The following GK variants were observed in gnomAD, a reference collection of about 807,000 sequenced individuals.
GK encodes glycerol kinase.
A neutral mutation model predicts 56.4 loss-of-function variants in GK; 9 were observed. The ratio of observed to expected loss-of-function variants is 0.16; its 90% CI spans 0.10 to 0.28. The LOEUF (loss-of-function observed/expected upper bound fraction) is 0.28, where lower values mean the gene tolerates loss of function less well. Ranked by LOEUF, GK falls within the 10% of genes least tolerant of loss-of-function variation. The pLI, the probability that GK is intolerant of heterozygous loss-of-function variation, is 1.00. For missense variants in GK, 161 were observed against 431.4 expected (o/e 0.37, Z 5.55); for synonymous variants, 104 against 144.1 (o/e 0.72, Z 1.99).
chrX:30,691,714 C>T (rs1164327725), intron 5 of GK, among the ~76,000 whole-genome samples: 2 of 109,903 alleles, frequency 1.8e-5, no homozygotes, highest in Non-Finnish European at 3.8e-5. Context: ...CCTCATGATC[C>T]GCCCACTTCG....
At chrX:30,698,599 G>T (rs6631151) in intron 9 of GK, among the ~76,000 whole-genome samples, 30,497 of 108,061 alleles carry the variant, frequency 0.28, 3,677 homozygotes, top group Middle Eastern at 0.46. Context: ...AGCTACTTGG[G>T]AGGCCGAGGC....
At chrX:30,728,438 A>AG (rs1937234032) in intron 20 of GK, among the ~76,000 whole-genome samples, 1 of 112,057 alleles carries the variant, frequency 8.9e-6, no homozygotes, top group Admixed American at 9.5e-5. Flanking sequence ...CTATGTGTCT[A>AG]GAGTCTTAGA....
intron 11 of GK, among the ~76,000 whole-genome samples, chrX:30,705,910 C>T (rs189295314): frequency 2.5e-4 from 28 of 112,020 alleles, no homozygotes; most frequent in Non-Finnish European, 4.5e-4. Flanking sequence ...AAGACGCGTA[C>T]GCTACTGTTC....
At chrX:30,685,581 A>G (rs1457740502) in intron 4 of GK, among the ~76,000 whole-genome samples, 1 of 112,488 alleles carries the variant, frequency 8.9e-6, no homozygotes, top group Admixed American at 9.4e-5. Context: ...CATCTCCCTC[A>G]ATCCTGGGTA....
intron 4 of GK, among the ~76,000 whole-genome samples, chrX:30,686,262 A>G (rs1399102464): frequency 8.9e-6 from 1 of 112,912 alleles, no homozygotes; most frequent in South Asian, 3.6e-4. Context: ...CTTGCAAATG[A>G]CCACTTACCC....
intron 6 of GK, chrX:30,695,230 C>T: frequency 1.3e-6 from 1 of 745,766 alleles, no homozygotes; most frequent in Non-Finnish European, 1.7e-6. Context: ...TCTTTCAGAA[C>T]CCATATCAGA....
chrX:30,711,193 A>G (rs764239741), intron 13 of GK, among the ~76,000 whole-genome samples: 2 of 102,179 alleles, frequency 2.0e-5, no homozygotes, highest in South Asian at 4.3e-4. Context: ...TAGTAAGCCT[A>G]TTCTTTTTAG....
chrX:30,727,948 A>G (rs1003234074), intron 20 of GK, among the ~76,000 whole-genome samples: 2 of 111,993 alleles, frequency 1.8e-5, no homozygotes, highest in Non-Finnish European at 3.8e-5. Context: ...AAATTTGCTA[A>G]GCAAGTCTTA....
chrX:30,711,196 CT>C (rs1255858610), intron 13 of GK, among the ~76,000 whole-genome samples: 2 of 103,711 alleles, frequency 1.9e-5, no homozygotes, highest in African/African-American at 3.5e-5. Flanking sequence ...TAAGCCTATT[CT>C]TTTTAGGTTT....
At chrX:30,725,899 C>T (rs1356723566) in intron 19 of GK, among the ~76,000 whole-genome samples, 2 of 110,561 alleles carry the variant, frequency 1.8e-5, no homozygotes, top group Non-Finnish European at 3.8e-5. Context: ...ATGATCCACC[C>T]GCCTCAGCCT....
rs1039417369 is a variant in GK at position 30,719,275 on chromosome X, A to G, written c.1055-144A>G. 1.5e-5 allele frequency: 7 copies of G among 466,576 alleles called. No homozygotes were observed. In the South Asian group the frequency reaches 1.6e-4, roughly 11 times the overall value. 38.5% of individuals were successfully genotyped at this position (466,576 alleles called of 1,213,427 possible). A position where few individuals can be genotyped will look rare whatever the true frequency, so the allele number is the denominator to read the frequency against. ...TCATTTCTGTTGATCCTAGCATACT[A>G]CTGTAGTTAGCAACATTTTGCTCTA... is the stretch of plus-strand genomic sequence containing the variant. On this transcript the variant is annotated intron_variant, in intron 14 of 20. Transcript: ENST00000427190.
In GK at chrX:30,720,977, C is replaced by T. The variant is rs772761624; in HGVS notation, c.1483C>T (p.Pro495Ser). The change falls in exon 18 of 21, where the codon CCT becomes TCT. Residue 495 changes from proline (P) to serine (S), a missense_variant. By Grantham distance (74) the Pro-to-Ser change is moderately conservative (BLOSUM62 -1). Transcript: ENST00000427190. ...TGCCGTCACGATGGAGCGGTTTGAA[C>T]CTCAGATTAATGCGGAGGGTACATT... ...LSAVTMERFE[P>S]QINAEESEIR... 1 of 1,210,450 alleles carries T rather than the reference C, an allele frequency of 8.3e-7. No individual in the cohort carries two copies. Among genetic ancestry groups the T allele is most frequent in the East Asian group, 3.0e-5 (1 of 33,843 alleles).
chrX:30,709,097 A>C (rs1936183227), intron 13 of GK, among the ~76,000 whole-genome samples: 1 of 112,442 alleles, frequency 8.9e-6, no homozygotes, highest in Non-Finnish European at 1.9e-5. Context: ...AGAACTTAAA[A>C]TCCTACAAGC....
chrX:30,715,590 G>A (rs1215227345), intron 13 of GK, among the ~76,000 whole-genome samples: 1 of 111,602 alleles, frequency 9.0e-6, no homozygotes, highest in Non-Finnish European at 1.9e-5. Context: ...TAACTTAACT[G>A]ATAACAAGTA....
intron 4 of GK, among the ~76,000 whole-genome samples, chrX:30,684,039 A>G (rs781111694): frequency 2.2e-5 from 2 of 92,348 alleles, no homozygotes; most frequent in Non-Finnish European, 4.3e-5. Context: ...AGCTTTTATT[A>G]ATGGTCTACA....
intron 4 of GK, among the ~76,000 whole-genome samples, chrX:30,678,852 A>ATTTTTTTTTT (rs58342528): frequency 2.3e-4 from 18 of 77,150 alleles, no homozygotes; most frequent in Non-Finnish European, 3.2e-4. Context: ...ATGCCCAGCT[A>ATTTTTTTTTT]TTTTTTTTTT....
intron 1 of GK, among the ~76,000 whole-genome samples, chrX:30,659,449 T>C (rs1932571004): frequency 8.9e-6 from 1 of 112,939 alleles, no homozygotes; most frequent in Non-Finnish European, 1.9e-5. Context: ...TGGCTAATAT[T>C]TTTATTTTCA....
At chrX:30,723,191 C>T (rs1217262876) in intron 18 of GK, among the ~76,000 whole-genome samples, 4 of 110,769 alleles carry the variant, frequency 3.6e-5, no homozygotes, top group Non-Finnish European at 7.6e-5. Context: ...GTCAGGAGAT[C>T]AAGACCATCC....
At chrX:30,663,488 G>A (rs1932849848) in intron 1 of GK, among the ~76,000 whole-genome samples, 1 of 111,288 alleles carries the variant, frequency 9.0e-6, no homozygotes, top group Non-Finnish European at 1.9e-5. Flanking sequence ...AATGCTAATG[G>A]AGTTGGTATC....
Sources: allele counts gnomAD v4.1 joint callset (sites outside exome capture counted in the v4.1 genomes callset), GRCh38; gene constraint gnomAD v4.1.1; transcripts MANE v1.5; gene names NCBI Gene and HGNC (gene_info 2026-07-23, HGNC 2026-07-21).